The following BBOF1 variants were observed in gnomAD, a reference collection of about 807,000 sequenced individuals.
The protein encoded by BBOF1 is basal body orientation factor 1, also known as basal body-orientation factor 1.
Under a neutral mutation model 68.0 loss-of-function variants are expected in BBOF1, and 62 were observed. The observed-to-expected ratio is 0.91, with a 90% CI of 0.74 to 1.13. The LOEUF (loss-of-function observed/expected upper bound fraction) is 1.13. Ranked by LOEUF, BBOF1 falls within the 50% of genes most tolerant of loss-of-function variation. The pLI, the probability that BBOF1 is intolerant of heterozygous loss-of-function variation, is 0.00. For missense variants in BBOF1, 534 were observed against 600.1 expected (o/e 0.89, Z 1.15); for synonymous variants, 208 against 198.8 (o/e 1.05, Z -0.39).
intron 12 of BBOF1, among the ~76,000 whole-genome samples, chr14:74,081,429 T>C (rs1377729171): frequency 2.6e-5 from 4 of 152,232 alleles, no homozygotes; most frequent in South Asian, 2.1e-4. Flanking sequence ...TTTTCACTTG[T>C]ATACAGCCTC....
intron 9 of BBOF1, chr14:74,071,484 A>G: frequency 1.2e-6 from 2 of 1,613,978 alleles, no homozygotes; most frequent in Non-Finnish European, 1.7e-6. Flanking sequence ...CACTACAGGC[A>G]TGCTCAACCA....
chr14:74,067,028 C>T, downstream of BBOF1: 1 of 817,196 alleles, frequency 1.2e-6, no homozygotes, highest in Non-Finnish European at 2.0e-6. Flanking sequence ...CCAGCCTGGG[C>T]AACAAAGTGA....
chr14:74,072,240 A>G (rs2060560548), intron 9 of BBOF1: 1 of 1,614,220 alleles, frequency 6.2e-7, no homozygotes, highest in Non-Finnish European at 8.5e-7. Flanking sequence ...GCGGAGCAAG[A>G]CCTGCTGGCG....
intron 12 of BBOF1, among the ~76,000 whole-genome samples, chr14:74,082,191 C>A (rs552235209): frequency 3.9e-5 from 6 of 152,176 alleles, no homozygotes; most frequent in Non-Finnish European, 7.4e-5. Flanking sequence ...GGTGACAGAG[C>A]GAGACCCTGT....
rs768056520 is a variant in BBOF1, at chr14:74,064,847, C to A, written c.*148C>A. On this transcript the variant is annotated 3_prime_UTR_variant, in exon 12 of 12. Transcript: ENST00000394009. ...CTGTTTGCCATAGAAATTGGTGTCT[C>A]CCCTGAAGGAGGATCGAGAGCCGGT... 8.1e-6 allele frequency: 13 copies of A among 1,613,930 alleles called. No homozygotes were observed. The East Asian group carries it at 2.7e-4, about 33-fold the overall frequency.
chr14:74,021,836 G>A (rs1223241688), intron 1 of BBOF1, among the ~76,000 whole-genome samples: 1 of 152,016 alleles, frequency 6.6e-6, no homozygotes, highest in Non-Finnish European at 1.5e-5. Context: ...GAACCTGGGA[G>A]GCGGAGCTTG....
chr14:74,078,030 C>A (rs1198657977), intron 9 of BBOF1, among the ~76,000 whole-genome samples: 2 of 152,168 alleles, frequency 1.3e-5, no homozygotes, highest in African/African-American at 4.8e-5. Context: ...CTCTTGAGCC[C>A]AGTTCAAGAC....
At chr14:74,067,085 G>A (rs945709437), downstream of BBOF1, among the ~76,000 whole-genome samples, 5 of 152,134 alleles carry the variant, frequency 3.3e-5, no homozygotes, top group East Asian at 1.9e-4. Context: ...GTGGTGGCCC[G>A]CACCTGTGGT....
chr14:74,079,108 A>G (rs1184000406), intron 10 of BBOF1, among the ~76,000 whole-genome samples: 2 of 151,814 alleles, frequency 1.3e-5, no homozygotes, highest in Non-Finnish European at 2.9e-5. Context: ...GTCCTTGGCC[A>G]GTATTTTCCT....
rs1020149249 is a variant in BBOF1 at position 74,045,604 on chromosome 14, C to T, written c.577-456C>T. 5.9e-5 allele frequency among the ~76,000 whole-genome samples: 9 copies of T among 152,240 alleles called. No homozygotes were observed. In the South Asian group the frequency reaches 6.2e-4, roughly 11 times the overall value. ...GATTACAGGCGTGAGCCACCGCGCC[C>T]GGACAATGCTCATAGTAATTTTTAG... On this transcript the variant is annotated intron_variant, in intron 5 of 11. Transcript: ENST00000394009.
chr14:74,075,213 T>G (rs2060599265), intron 9 of BBOF1, among the ~76,000 whole-genome samples: 1 of 152,182 alleles, frequency 6.6e-6, no homozygotes, highest in Non-Finnish European at 1.5e-5. Context: ...ATAATAATCA[T>G]GTCCTATATT....
intron 9 of BBOF1, among the ~76,000 whole-genome samples, chr14:74,074,310 C>T (rs1393490390): frequency 8.6e-5 from 11 of 128,544 alleles, no homozygotes; most frequent in East Asian, 2.3e-4. Context: ...TTTTTTGAAA[C>T]GGAGTCTCGC....
chr14:74,045,018 G>A (rs970451983), intron 5 of BBOF1, among the ~76,000 whole-genome samples: 5 of 152,136 alleles, frequency 3.3e-5, no homozygotes, highest in African/African-American at 1.2e-4. Flanking sequence ...ACAAACATGA[G>A]CGAGCAGGCC....
rs551087996 is a variant in BBOF1 at position 74,028,609 on chromosome 14, A to G, written c.286-575A>G. Among the ~76,000 whole-genome samples, 13 of 151,776 alleles carry G rather than the reference A, an allele frequency of 8.6e-5. No homozygotes were observed. The South Asian group carries it at 1.7e-3, about 19-fold the overall frequency. ...TTGAAACTCATCTTGGCTAGGCGCT[A>G]TGGCTCACACCTATAATCCCAGCAC... On this transcript the variant is annotated intron_variant, in intron 2 of 11. Transcript: ENST00000394009.
At chr14:74,053,665 C>G (rs1432027372) in intron 8 of BBOF1, among the ~76,000 whole-genome samples, 3 of 151,882 alleles carry the variant, frequency 2.0e-5, no homozygotes, top group African/African-American at 4.8e-5. Context: ...CCTTGGCCTC[C>G]CAAAGCTCCA....
At chr14:74,069,109 T>C (rs556083221), downstream of BBOF1, 302 of 1,101,004 alleles carry the variant, frequency 2.7e-4, 1 homozygote, top group African/African-American at 4.4e-3. Context: ...TTCTTTTTTT[T>C]TTTTTTTTTT....
At chr14:74,064,348 A>G (rs2060422270) in intron 11 of BBOF1, among the ~76,000 whole-genome samples, 1 of 152,038 alleles carries the variant, frequency 6.6e-6, no homozygotes, top group African/African-American at 2.4e-5. Context: ...TCTGCTACAA[A>G]GAACGTGCTC....
At chr14:74,082,076 C>T (rs1022944038) in intron 12 of BBOF1, among the ~76,000 whole-genome samples, 2 of 151,984 alleles carry the variant, frequency 1.3e-5, no homozygotes, top group Admixed American at 6.6e-5. Context: ...CATGGGGGCA[C>T]GATCTGTTGT....
intron 3 of BBOF1, among the ~76,000 whole-genome samples, chr14:74,032,549 A>G (rs1299763429): frequency 6.8e-6 from 1 of 147,184 alleles, no homozygotes; most frequent in Non-Finnish European, 1.5e-5. Context: ...GCTGGAGTGC[A>G]ATGGTGTGAT....
Sources: allele counts gnomAD v4.1 joint callset (sites outside exome capture counted in the v4.1 genomes callset), GRCh38; gene constraint gnomAD v4.1.1; transcripts MANE v1.5; gene names NCBI Gene and HGNC (gene_info 2026-07-23, HGNC 2026-07-21).